PPP1R9A: variants seen among roughly 807,000 people sequenced by gnomAD.
The protein encoded by PPP1R9A is neurabin-1.
In PPP1R9A, 59 loss-of-function variants were observed where a neutral mutation model predicts 141.9. The ratio of observed to expected loss-of-function variants is 0.42; its 90% confidence interval spans 0.34 to 0.52. The LOEUF (loss-of-function observed/expected upper bound fraction) is 0.52, where lower values mean the gene tolerates loss of function less well. Among genes scored for constraint, PPP1R9A ranks in the 20% least tolerant of loss-of-function variants. PPP1R9A has a pLI of 0.10. For synonymous variants in PPP1R9A, 500 were observed against 569.7 expected (o/e 0.88, Z 1.74); for missense variants, 1,444 against 1,611.9 (o/e 0.90, Z 1.78).
chr7:94,947,971 C>T lies in PPP1R9A; in HGVS notation c.1395+36463C>T, dbSNP rs770170282. ...GCCTGAGTGAAATATTGAGTCTGGCCATGTGACTAAGTCTGTTTTATTACT... is the reference window on the plus strand; with the variant it reads ...GCCTGAGTGAAATATTGAGTCTGGCTATGTGACTAAGTCTGTTTTATTACT... On this transcript the variant is annotated intron_variant, in intron 2 of 19. Transcript: ENST00000433360. Among the ~76,000 whole-genome samples the T allele has an allele frequency of 5.7e-4, 86 of 152,044 alleles. 1 individual carries two copies. The highest frequency in any genetic ancestry group is 1.0e-3 in the Non-Finnish European group (69 of 67,988).
At chr7:95,231,300 G>C (rs1795895620) in intron 8 of PPP1R9A, among the ~76,000 whole-genome samples, 1 of 152,066 alleles carries the variant, frequency 6.6e-6, no homozygotes, top group African/African-American at 2.4e-5. Flanking sequence ...AATAGTGGGG[G>C]ACTTTCATAC....
chr7:95,228,001 A>G (rs1187171136), intron 8 of PPP1R9A, among the ~76,000 whole-genome samples: 1 of 152,112 alleles, frequency 6.6e-6, no homozygotes, highest in Non-Finnish European at 1.5e-5. Context: ...ATAGTCTTAA[A>G]TTTCTTTATG....
rs558353616 is a variant in PPP1R9A, at chr7:95,153,543, A to G, written c.1650-8324A>G. ...ACTCAACATCCCTACAAAATTATGG[A>G]GAAAACACAGCTATGTATTTCAGAC... On this transcript the variant is annotated intron_variant, in intron 4 of 19. Transcript: ENST00000433360. 1.2e-4 allele frequency among the ~76,000 whole-genome samples: 19 copies of G among 152,346 alleles called. No homozygotes were observed. In the East Asian group the frequency reaches 3.3e-3, roughly 26 times the overall value.
intron 16 of PPP1R9A, 150 bp from the exon 17 acceptor site, chr7:95,283,868 G>A (rs768079323): frequency 1.3e-5 from 8 of 616,392 alleles, no homozygotes; most frequent in Admixed American, 3.3e-5. Flanking sequence ...ATTAAGATTA[G>A]TGTTGTAGTC....
chr7:95,067,686 C>T (rs762333103), intron 2 of PPP1R9A, among the ~76,000 whole-genome samples: 21 of 146,428 alleles, frequency 1.4e-4, no homozygotes, highest in Non-Finnish European at 2.2e-4. Flanking sequence ...GGATGCTCAA[C>T]TCATGTATGG....
At chr7:95,204,820 A>G (rs914992786) in intron 7 of PPP1R9A, among the ~76,000 whole-genome samples, 1 of 141,528 alleles carries the variant, frequency 7.1e-6, no homozygotes, top group African/African-American at 2.7e-5. Context: ...CACATCACAC[A>G]CACCACACAT....
intron 10 of PPP1R9A, among the ~76,000 whole-genome samples, chr7:95,251,471 A>G (rs1316164490): frequency 6.6e-6 from 1 of 152,224 alleles, no homozygotes; most frequent in African/African-American, 2.4e-5. Flanking sequence ...AAATTACCCA[A>G]TGTGGGTCAT....
intron 10 of PPP1R9A, 66 bp from the exon 11 acceptor site, chr7:95,251,696 G>A: frequency 7.0e-7 from 1 of 1,435,882 alleles, no homozygotes; most frequent in South Asian, 1.3e-5. Flanking sequence ...GCAGTTTATT[G>A]TTTCAGATAA....
intron 2 of PPP1R9A, among the ~76,000 whole-genome samples, chr7:95,108,302 C>CGTTTCT (rs1204011323): frequency 4.5e-4 from 31 of 68,756 alleles, no homozygotes; most frequent in African/African-American, 1.1e-3. Context: ...TTTTTCGTTT[C>CGTTTCT]TTTTCTTTTT....
intron 5 of PPP1R9A, among the ~76,000 whole-genome samples, chr7:95,164,383 ATTTTC>A (rs1830874945): frequency 6.6e-6 from 1 of 151,486 alleles, no homozygotes; most frequent in African/African-American, 2.4e-5. Context: ...CCTTTATAGT[ATTTTC>A]TTTTTTTACC....
At chr7:95,148,420 G>A (rs750522252) in intron 4 of PPP1R9A, among the ~76,000 whole-genome samples, 3 of 152,052 alleles carry the variant, frequency 2.0e-5, no homozygotes, top group Non-Finnish European at 4.4e-5. Flanking sequence ...AATATTATGA[G>A]CCCCTCTGTG....
intron 2 of PPP1R9A, among the ~76,000 whole-genome samples, chr7:94,977,461 G>C (rs1371703871): frequency 1.3e-5 from 2 of 152,148 alleles, no homozygotes; most frequent in African/African-American, 4.8e-5. Context: ...CTGATGGTTC[G>C]ACTAAGATGA....
intron 2 of PPP1R9A, among the ~76,000 whole-genome samples, chr7:94,985,495 A>T (rs1800707258): frequency 6.6e-6 from 1 of 152,042 alleles, no homozygotes; most frequent in Non-Finnish European, 1.5e-5. Flanking sequence ...TACCTTATGA[A>T]TCTGGGTGCT....
chr7:95,131,559 C>T (rs942390440), intron 4 of PPP1R9A, among the ~76,000 whole-genome samples: 1 of 151,528 alleles, frequency 6.6e-6, no homozygotes, highest in Non-Finnish European at 1.5e-5. Flanking sequence ...GGTTGGGCAA[C>T]GTGATGCCTC....
At chr7:95,231,585 T>G (rs1795962306) in intron 8 of PPP1R9A, among the ~76,000 whole-genome samples, 1 of 152,096 alleles carries the variant, frequency 6.6e-6, no homozygotes, top group African/African-American at 2.4e-5. Flanking sequence ...AAATCAACTC[T>G]GAAAGGCACC....
intron 2 of PPP1R9A, among the ~76,000 whole-genome samples, chr7:95,085,513 C>T (rs1035819897): frequency 6.7e-5 from 10 of 148,550 alleles, no homozygotes; most frequent in Admixed American, 4.7e-4. Flanking sequence ...CTGCTGGGTT[C>T]AAGCGATTCT....
chr7:95,258,606 G>A (rs906056147), intron 12 of PPP1R9A, among the ~76,000 whole-genome samples: 1 of 152,004 alleles, frequency 6.6e-6, no homozygotes, highest in Admixed American at 6.6e-5. Context: ...TTTGTAGCAC[G>A]TATAACTAAG....
At chr7:95,268,908 C>T (rs760519588) in intron 13 of PPP1R9A, among the ~76,000 whole-genome samples, 3 of 152,050 alleles carry the variant, frequency 2.0e-5, no homozygotes, top group African/African-American at 7.3e-5. Flanking sequence ...GTGAACTAAC[C>T]AAGAGCATTA....
chr7:95,219,850 T>A (rs1794147021), intron 7 of PPP1R9A, among the ~76,000 whole-genome samples: 2 of 152,106 alleles, frequency 1.3e-5, no homozygotes, highest in Non-Finnish European at 2.9e-5. Context: ...TTAGGATTTT[T>A]CTCTCTTCTG....
Sources: gnomAD v4.1 joint callset for allele counts (sites outside exome capture counted in the v4.1 genomes callset) on GRCh38, gnomAD v4.1.1 for gene constraint, MANE v1.5 for transcripts, NCBI Gene and HGNC (gene_info 2026-07-23, HGNC 2026-07-21) for gene names.